The following SUGP2 variants were observed in gnomAD, a reference collection of about 807,000 sequenced individuals.
The protein encoded by SUGP2 is SURP and G-patch domain containing 2, also known as SURP and G-patch domain-containing protein 2.
SUGP2 carries 24 observed loss-of-function variants against 90.5 expected under a neutral mutation model. The ratio of observed to expected loss-of-function variants is 0.27; its 90% CI spans 0.19 to 0.37. SUGP2 has a LOEUF of 0.37. SUGP2 is among the 10% of genes least tolerant of loss of function. SUGP2 has a pLI of 1.00. For missense variants in SUGP2, 1,233 were observed against 1,363.3 expected, an observed-to-expected ratio of 0.90 and a Z score of 1.51; for synonymous variants, 473 against 513.4, an observed-to-expected ratio of 0.92 and a Z score of 1.06.
At chr19:19,007,775 T>C (rs113635566) in intron 6 of SUGP2, among the ~76,000 whole-genome samples, 2 of 147,326 alleles carry the variant, frequency 1.4e-5, no homozygotes, top group Non-Finnish European at 3.0e-5. Context: ...TTTTTTTTTT[T>C]TGGAGATGAA....
At position 18,995,287 on chromosome 19, in the gene SUGP2, A is replaced by G. The variant is rs777768896; in HGVS notation, c.2992-7T>C. On this transcript the variant is annotated splice_polypyrimidine_tract_variant and splice_region_variant and intron_variant, in intron 8 of 10. Transcript: ENST00000452918. ...AGTCCAAGTCCTTGGGTTTCTGAGG[A>G]GAGAGGAGAGTCCAGGCATGTGGGC... 2 of 1,600,104 alleles carry G rather than the reference A, an allele frequency of 1.2e-6. No individual in the cohort carries two copies.
Position 19,019,991 on chromosome 19 carries a change from CAAAA to C in SUGP2, c.1730-766_1730-763del, listed in dbSNP as rs11434968. ...GTGAAACTCCGTCTCTGCTAAAATA[CAAAA>C]AAAAAAAAAAAAAAAAAAATTAGCC... On this transcript the variant is annotated intron_variant, in intron 3 of 10. Transcript: ENST00000452918. 5.9e-3 allele frequency among the ~76,000 whole-genome samples: 207 copies of C among 34,828 alleles called. 2 individuals carry two copies. Among genetic ancestry groups the C allele is most frequent in the African/African-American group, 0.025 (196 of 7,768 alleles). 22.8% of individuals were successfully genotyped at this position (34,828 alleles called of 152,430 possible).
intron 4 of SUGP2, among the ~76,000 whole-genome samples, chr19:19,011,636 T>C (rs1355637961): frequency 2.0e-5 from 3 of 152,244 alleles, no homozygotes; most frequent in African/African-American, 4.8e-5. Flanking sequence ...TAGTTTGCTG[T>C]ATTGGCATAA....
chr19:19,014,261 G>A (rs903157028), intron 4 of SUGP2, among the ~76,000 whole-genome samples: 1 of 152,170 alleles, frequency 6.6e-6, no homozygotes, highest in Admixed American at 6.5e-5. Context: ...CCAAAGTGGT[G>A]GGATTACAGG....
Position 19,026,739 on chromosome 19 carries a change from A to C in SUGP2, c.122-513T>G, listed in dbSNP as rs960597795. Among the ~76,000 whole-genome samples, 51 of 152,198 alleles carry C rather than the reference A, an allele frequency of 3.4e-4. 1 individual carries two copies. The highest frequency in any genetic ancestry group is 3.3e-3 in the Admixed American group (51 of 15,278). ...CTGCCTTCACTGCCTCTTAGAAGGA[A>C]GTCTCAGCCCACAGTGCCACCGTGA... On this transcript the variant is annotated intron_variant, in intron 2 of 10. Transcript: ENST00000452918.
intron 4 of SUGP2, among the ~76,000 whole-genome samples, chr19:19,011,021 C>T (rs1454346211): frequency 6.6e-6 from 1 of 151,292 alleles, no homozygotes; most frequent in South Asian, 2.1e-4. Context: ...CCTATAGTCC[C>T]AGCTACTCTG....
chr19:18,998,613 T>C (rs2057707213), intron 8 of SUGP2, among the ~76,000 whole-genome samples: 1 of 145,316 alleles, frequency 6.9e-6, no homozygotes, highest in Non-Finnish European at 1.5e-5. Context: ...CGTGTGTGTA[T>C]GCATGTGTGT....
At chr19:19,000,182 A>T (rs1309656095) in intron 8 of SUGP2, among the ~76,000 whole-genome samples, 4 of 152,170 alleles carry the variant, frequency 2.6e-5, no homozygotes, top group Non-Finnish European at 5.9e-5. Context: ...GCTGCCACAA[A>T]GGCCTCTTGC....
At chr19:19,014,300 C>G (rs1303596356) in intron 4 of SUGP2, among the ~76,000 whole-genome samples, 2 of 152,064 alleles carry the variant, frequency 1.3e-5, no homozygotes, top group Non-Finnish European at 2.9e-5. Context: ...GCTCTTCTGA[C>G]ATCTTTAGTG....
rs950304849 is a variant in SUGP2, at chr19:19,033,430, G to A, written c.-12+7C>T. 6 of 1,373,720 alleles carry A rather than the reference G, an allele frequency of 4.4e-6. No individual in the cohort carries two copies. Among genetic ancestry groups the A allele is most frequent in the Middle Eastern group, 2.7e-4 (1 of 3,678 alleles). The allele number at this position is 1,373,720 out of a possible 1,614,324, so 85.1% of individuals were successfully genotyped here. A position where few individuals can be genotyped will look rare whatever the true frequency, so the allele number is the denominator to read the frequency against. Reference sequence around the variant, plus strand: ...ACCCACCGACGACGCCAGGGCCCGGGCCTCACCCCGAGACCACCGCGCGCG... The same window carrying A: ...ACCCACCGACGACGCCAGGGCCCGGACCTCACCCCGAGACCACCGCGCGCG... On this transcript the variant is annotated splice_region_variant and intron_variant, in intron 1 of 10. Transcript: ENST00000452918.
At chr19:18,999,717 C>T (rs528792081) in intron 8 of SUGP2, among the ~76,000 whole-genome samples, 2 of 152,302 alleles carry the variant, frequency 1.3e-5, no homozygotes, top group Admixed American at 6.5e-5. Flanking sequence ...AGAGCGATCT[C>T]GCCTGGCTCC....
rs201333129 is a variant in SUGP2, at chr19:18,995,271, C to A, written c.3001G>T (p.Asp1001Tyr). 210 of 1,606,770 alleles carry A rather than the reference C, an allele frequency of 1.3e-4. No individual in the cohort carries two copies. The highest frequency in any genetic ancestry group is 2.9e-5 in the Non-Finnish European group (34 of 1,176,858). Residue 1001 changes from aspartate (D) to tyrosine (Y), a missense_variant, in exon 9 of 11, where the codon GAC becomes TAC. By Grantham distance (160) the Asp-to-Tyr change is radical. Coordinates refer to ENST00000452918, the MANE Select transcript of SUGP2 (RefSeq NM_001017392.5). ...AGCTTCTGCTGGGCGAAGTCCAAGT[C>A]CTTGGGTTTCTGAGGAGAGAGGAGA... ...RPMSKKKKPK[D>Y]LDFAQQKLTD...
intron 3 of SUGP2, among the ~76,000 whole-genome samples, chr19:19,020,478 C>CT (rs1208254812): frequency 1.3e-5 from 2 of 149,248 alleles, no homozygotes; most frequent in African/African-American, 2.5e-5. Flanking sequence ...GGGTCTCACT[C>CT]TGTTGCCCAG....
rs2058889496 is a variant in SUGP2, at chr19:19,025,550, C to T, written c.798G>A (p.Gln266=). The T allele has an allele frequency of 1.9e-6, 3 of 1,613,960 alleles. No homozygotes were observed. In the Admixed American group the frequency reaches 5.0e-5, roughly 27 times the overall value. Residue 266 remains glutamine (Q), a synonymous_variant, in exon 3 of 11, where the codon CAG becomes CAA. Coordinates refer to ENST00000452918, the MANE Select transcript of SUGP2 (RefSeq NM_001017392.5). ...TGTTTTTCTGGATTTGGTTAGTGCCCTGAGTTTTGGGAGTAATACGATTCA... is the reference window on the plus strand; with the variant it reads ...TGTTTTTCTGGATTTGGTTAGTGCCTTGAGTTTTGGGAGTAATACGATTCA... ...PTVNRITPKT[Q]GTNQIQKNTP... is the part of the protein sequence containing the mutation.
Position 19,008,322 on chromosome 19 carries a change from G to C in SUGP2, c.2445C>G (p.Asp815Glu). 1 of 1,613,448 alleles carries C rather than the reference G, an allele frequency of 6.2e-7. No homozygotes were observed. The highest frequency in any genetic ancestry group is 1.1e-5 in the South Asian group (1 of 91,056). Residue 815 changes from aspartate (D) to glutamate (E), a missense_variant, in exon 6 of 11, where the codon GAC (aspartate) becomes GAG (glutamate). By Grantham distance (45) the Asp-to-Glu change is conservative (BLOSUM62 2). Coordinates refer to ENST00000452918, the MANE Select transcript of SUGP2 (RefSeq NM_001017392.5). ...AGACCCGGGGGGGTACGTACCACAG[G>C]TCAGGGTTATCGGTGCTGTTTTCTA... Reference protein sequence around the residue: ...FSIENSTDNPDLWFLHDQNSS... With the variant: ...FSIENSTDNPELWFLHDQNSS...
chr19:19,033,370 C>G (rs1599614834), intron 1 of SUGP2, 67 bp downstream of exon 1: 1 of 1,201,188 alleles, frequency 8.3e-7, no homozygotes, highest in Non-Finnish European at 1.0e-6. Context: ...GGGCGGGCCC[C>G]CAAGGCCGAG....
Position 19,004,270 on chromosome 19 carries a change from A to C in SUGP2, c.2827T>G (p.Ser943Ala). Residue 943 changes from serine (S) to alanine (A), a missense_variant, in exon 7 of 11, where the codon TCC becomes GCC. This residue lies in a region of SUGP2 where 105 missense variants were observed against 155.2 expected (regional missense o/e 0.68). Coordinates refer to ENST00000452918, the MANE Select transcript of SUGP2 (RefSeq NM_001017392.5). ...TTCCGAGGGAAGCAGGTACCTGAGGAGGCCTGTGACAAGGCAGGTGCTCCA... is the reference window on the plus strand; with the variant it reads ...TTCCGAGGGAAGCAGGTACCTGAGGCGGCCTGTGACAAGGCAGGTGCTCCA... Reference protein sequence around the residue: ...LAGAPALSQASSGTCFPRKRI... With the variant: ...LAGAPALSQAASGTCFPRKRI... 2.5e-6 allele frequency: 4 copies of C among 1,613,688 alleles called. No homozygotes were observed. Among genetic ancestry groups the C allele is most frequent in the Non-Finnish European group, 2.5e-6 (3 of 1,179,668 alleles).
intron 8 of SUGP2, among the ~76,000 whole-genome samples, chr19:18,996,635 C>A (rs1599387169): frequency 6.6e-6 from 1 of 152,230 alleles, no homozygotes; most frequent in African/African-American, 2.4e-5. Flanking sequence ...TCATTGTAAC[C>A]TCCGCCTCCT....
chr19:19,023,800 G>A (rs370040522), intron 3 of SUGP2, among the ~76,000 whole-genome samples: 1 of 152,020 alleles, frequency 6.6e-6, no homozygotes, highest in Non-Finnish European at 1.5e-5. Context: ...AGGCTGAGGC[G>A]GAAGGATCAC....
Sources: allele counts gnomAD v4.1 joint callset (sites outside exome capture counted in the v4.1 genomes callset), GRCh38; gene constraint gnomAD v4.1.1; regional missense constraint gnomAD v4.1.1; transcripts MANE v1.5; gene names NCBI Gene and HGNC (gene_info 2026-07-23, HGNC 2026-07-21).